PTOV1: variants seen among roughly 807,000 people sequenced by gnomAD.
The protein encoded by PTOV1 is prostate tumor-overexpressed gene 1 protein.
PTOV1 carries 20 observed loss-of-function variants against 58.0 expected under a neutral mutation model. That is an observed-to-expected ratio of 0.34 (90% CI 0.24 to 0.50). The LOEUF (loss-of-function observed/expected upper bound fraction) is 0.50. Among genes scored for constraint, PTOV1 ranks in the 20% least tolerant of loss-of-function variants. PTOV1 has a pLI of 0.98. For synonymous variants in PTOV1, 335 were observed against 234.2 expected (o/e 1.43, Z -3.93); for missense variants, 593 against 565.4 (o/e 1.05, Z -0.50).
chr19:49,860,629 G>C (rs1186496457), exon 12 of PTOV1: 8 of 469,082 alleles, frequency 1.7e-5, no homozygotes, highest in Non-Finnish European at 2.6e-5. Context: ...ACGCTTCTGA[G>C]CAGGGGCCCC....
chr19:49,851,139 C>T, upstream of PTOV1: 1 of 1,317,340 alleles, frequency 7.6e-7, no homozygotes, highest in African/African-American at 1.6e-5. Flanking sequence ...TGGTACGCGC[C>T]GGGCTCCCCC....
At chr19:49,851,713 TGGGGGA>T in intron 1 of PTOV1, 1 of 786,882 alleles carries the variant, frequency 1.3e-6, no homozygotes, top group Non-Finnish European at 1.5e-6. Flanking sequence ...GGTGGGGGGT[TGGGGGA>T]CGGGGGCGGG....
At chr19:49,850,784 A>C, upstream of PTOV1, 1 of 1,438,852 alleles carries the variant, frequency 6.9e-7, no homozygotes, top group Non-Finnish European at 9.4e-7. Flanking sequence ...GTTCCCTTTC[A>C]GTGGGTTCCT....
intron 10 of PTOV1, 136 bp downstream of exon 10, chr19:49,858,789 G>A (rs766143460): frequency 1.3e-5 from 10 of 746,386 alleles, no homozygotes; most frequent in Non-Finnish European, 1.8e-5. Flanking sequence ...GCTAGTGTGG[G>A]CGTGACTTCT....
exon 12 of PTOV1, chr19:49,860,372 T>A: frequency 2.6e-6 from 1 of 379,240 alleles, no homozygotes; most frequent in East Asian, 6.9e-5. Flanking sequence ...GGAGGGACCC[T>A]GGGGCATGTG....
chr19:49,851,553 C>A, intron 1 of PTOV1, 54 bp downstream of exon 1: 1 of 1,086,208 alleles, frequency 9.2e-7, no homozygotes, highest in Non-Finnish European at 1.2e-6. Flanking sequence ...CCCCCAGCCC[C>A]TATCCCGGGC....
At chr19:49,857,459 A>G (rs1282623559) in intron 6 of PTOV1, 4 of 611,028 alleles carry the variant, frequency 6.5e-6, no homozygotes, top group Admixed American at 2.9e-5. Flanking sequence ...CAGTTGAGGC[A>G]GACTCTGCAG....
In PTOV1 at chr19:49,857,385, G is replaced by T. The variant is rs1330520536; in HGVS notation, c.714+255G>T. On this transcript the variant is annotated intron_variant, in intron 6 of 11. Transcript: ENST00000391842. ...CCAGCGGAGCGGGGAGCTGGGCAGG[G>T]GTTGGGATCGTCCTGCGGCTGGAAG... The T allele has an allele frequency of 3.2e-6, 2 of 617,264 alleles. No individual in the cohort carries two copies. Among genetic ancestry groups the T allele is most frequent in the Admixed American group, 5.9e-5 (2 of 33,928 alleles). 38.2% of individuals were successfully genotyped at this position (617,264 alleles called of 1,614,324 possible). A position where few individuals can be genotyped will look rare whatever the true frequency, so the allele number is the denominator to read the frequency against.
intron 5 of PTOV1, chr19:49,856,644 C>A: frequency 2.9e-6 from 1 of 339,322 alleles, no homozygotes. Flanking sequence ...GCTGCCTGTG[C>A]TCTTAACCCC....
chr19:49,852,246 C>T (rs1309523797), intron 1 of PTOV1: 3 of 219,062 alleles, frequency 1.4e-5, no homozygotes, highest in African/African-American at 7.0e-5. Context: ...TACACTGCCT[C>T]AGCGGTGTGG....
At chr19:49,858,888 A>T (rs765296478) in intron 10 of PTOV1, 4 of 492,168 alleles carry the variant, frequency 8.1e-6, no homozygotes, top group Non-Finnish European at 1.5e-5. Context: ...ATCAGGGCTG[A>T]CTCAGCACCA....
At chr19:49,859,799 G>A in intron 10 of PTOV1, 187 bp from the exon 11 acceptor site, 1 of 634,904 alleles carries the variant, frequency 1.6e-6, no homozygotes, top group Non-Finnish European at 2.7e-6. Flanking sequence ...TTGGCCTTTG[G>A]CCCACCCATT....
At chr19:49,851,705 T>TGGG in intron 1 of PTOV1, 1 of 862,556 alleles carries the variant, frequency 1.2e-6, no homozygotes, top group Non-Finnish European at 1.4e-6. Context: ...CGGGCCGGGG[T>TGGG]GGGGGGTTGG....
At chr19:49,860,006 C>T (rs781081329) in exon 11 of PTOV1, 3 of 1,614,192 alleles carry the variant, frequency 1.9e-6, no homozygotes, top group Non-Finnish European at 2.5e-6. Flanking sequence ...TGCACTTTTC[C>T]TACAAAGCAT....
At position 49,857,692 on chromosome 19, in the gene PTOV1, G is replaced by A; in HGVS notation, c.715-1G>A. 6.2e-7 allele frequency: 1 copy of A among 1,613,882 alleles called. No individual in the cohort carries two copies. Among genetic ancestry groups the A allele is most frequent in the Non-Finnish European group, 8.5e-7 (1 of 1,179,870 alleles). ...CTTCCCACCCCGTTCCCTTCCAACAGGCAGTGGGACCTGGTGGTGTCAACT... is the reference window on the plus strand; with the variant it reads ...CTTCCCACCCCGTTCCCTTCCAACAAGCAGTGGGACCTGGTGGTGTCAACT... On this transcript the variant is annotated splice_acceptor_variant, in intron 6 of 11. Transcript: ENST00000391842. LOFTEE classifies it high-confidence loss of function.
intron 6 of PTOV1, 65 bp from the exon 7 acceptor site, chr19:49,857,628 C>G (rs2074534783): frequency 2.8e-5 from 41 of 1,475,314 alleles, no homozygotes; most frequent in Non-Finnish European, 3.8e-5. Context: ...TGGCAGGCCC[C>G]AGGACAGACA....
chr19:49,859,619 G>C (rs1013345102), intron 10 of PTOV1, among the ~76,000 whole-genome samples: 1 of 152,016 alleles, frequency 6.6e-6, no homozygotes, highest in Non-Finnish European at 1.5e-5. Flanking sequence ...AAGGCTCCAT[G>C]TACCTCAGCC....
intron 5 of PTOV1, chr19:49,855,772 C>CG (rs1200088001): frequency 6.5e-6 from 1 of 153,662 alleles, no homozygotes; most frequent in Admixed American, 6.5e-5. Context: ...CTAGGGCCAC[C>CG]GGGAGGCTGG....
chr19:49,857,732 A>G (rs59595912), exon 7 of PTOV1: 142,441 of 1,614,002 alleles, frequency 0.088, 7,173 homozygotes, highest in South Asian at 0.17. Context: ...CCCAGTCCAG[A>G]TCGTCAACAA....
Sources: gnomAD v4.1 joint callset for allele counts (sites outside exome capture counted in the v4.1 genomes callset) on GRCh38, gnomAD v4.1.1 for gene constraint, MANE v1.5 for transcripts, NCBI Gene and HGNC (gene_info 2026-07-23, HGNC 2026-07-21) for gene names.